FAAH: variants seen among roughly 807,000 people sequenced by gnomAD.
FAAH encodes fatty-acid amide hydrolase 1.
Under a neutral mutation model 69.7 loss-of-function variants are expected in FAAH, and 63 were observed. The ratio of observed to expected loss-of-function variants is 0.90; its 90% CI spans 0.74 to 1.12. FAAH has a LOEUF of 1.12. Ranked by LOEUF, FAAH falls within the 50% of genes most tolerant of loss-of-function variation. FAAH has a pLI of 0.00. For missense variants in FAAH, 680 were observed against 755.0 expected (o/e 0.90, Z 1.16); for synonymous variants, 305 against 324.2 (o/e 0.94, Z 0.64).
intron 7 of FAAH, among the ~76,000 whole-genome samples, chr1:46,408,256 C>G (rs1426252297): frequency 1.3e-5 from 2 of 152,176 alleles, no homozygotes; most frequent in Non-Finnish European, 2.9e-5. Flanking sequence ...CCTCATATGA[C>G]CAGTAGGAAT....
In FAAH at chr1:46,411,270, C is replaced by T. The variant is rs1664908804; in HGVS notation, c.1317-342C>T. ...CTGGAAAAGCAGGGCGTAAACCTCC[C>T]TGTTTCATGCCCTGACGTCCCATGG... On this transcript the variant is annotated intron_variant, in intron 11 of 14. Transcript: ENST00000243167. This position sits in a 1 kb window ranked among gnomAD's most constrained non-coding sequence, Gnocchi z 4.8. Among the ~76,000 whole-genome samples, 1 of 152,210 alleles carries T rather than the reference C, an allele frequency of 6.6e-6. No homozygotes were observed.
At chr1:46,402,912 G>A (rs994504644) in intron 2 of FAAH, among the ~76,000 whole-genome samples, 1 of 151,922 alleles carries the variant, frequency 6.6e-6, no homozygotes, top group Admixed American at 6.6e-5. Flanking sequence ...AGGCTGGTCT[G>A]GAACTCCTGA....
Position 46,413,722 on chromosome 1 carries a change from C to T in FAAH, c.*147C>T, listed in dbSNP as rs1178505612. 20 of 1,169,742 alleles carry T rather than the reference C, an allele frequency of 1.7e-5. No homozygotes were observed. Among genetic ancestry groups the T allele is most frequent in the South Asian group, 4.0e-5 (3 of 75,590 alleles). The allele number at this position is 1,169,742 out of a possible 1,614,324, so 72.5% of individuals were successfully genotyped here. A position where few individuals can be genotyped will look rare whatever the true frequency, so the allele number is the denominator to read the frequency against. ...TCCCCCAACCCCCTGCAAGAAGCGC[C>T]GACTCCCTGAGTCTGGACCTCCATC... On this transcript the variant is annotated 3_prime_UTR_variant, in exon 15 of 15. Transcript: ENST00000243167.
intron 7 of FAAH, among the ~76,000 whole-genome samples, chr1:46,407,787 A>G (rs2148451007): frequency 6.6e-6 from 1 of 152,260 alleles, no homozygotes; most frequent in East Asian, 1.9e-4. Flanking sequence ...GTTAATGTAG[A>G]CAGTAAGCTG....
intron 1 of FAAH, among the ~76,000 whole-genome samples, chr1:46,396,865 C>T (rs918818418): frequency 1.3e-5 from 2 of 152,180 alleles, no homozygotes; most frequent in African/African-American, 4.8e-5. Context: ...TTTTGGCTGG[C>T]TGTAATGTAT....
chr1:46,408,672 C>T, intron 8 of FAAH, 88 bp downstream of exon 8: 1 of 1,594,254 alleles, frequency 6.3e-7, no homozygotes, highest in Non-Finnish European at 8.6e-7. Context: ...TCCCTGGCAT[C>T]CTGGCACTCT....
chr1:46,413,008 G>A, intron 13 of FAAH, 67 bp from the exon 14 acceptor site: 3 of 1,596,720 alleles, frequency 1.9e-6, no homozygotes, highest in East Asian at 2.2e-5. Flanking sequence ...TATGAGGTTT[G>A]ACTCAGGCCC....
intron 1 of FAAH, among the ~76,000 whole-genome samples, chr1:46,395,752 A>G (rs1664584816): frequency 6.6e-6 from 1 of 152,168 alleles, no homozygotes; most frequent in Admixed American, 6.5e-5. Flanking sequence ...CAGAGCTGGA[A>G]CTAGAACCTA....
chr1:46,407,026 A>G (rs324418), intron 7 of FAAH, among the ~76,000 whole-genome samples: 42,886 of 151,578 alleles, frequency 0.28, 6,495 homozygotes, highest in African/African-American at 0.38. Context: ...TCCTGTCCAC[A>G]TTTTGGGAGC....
rs78529632 is a variant in FAAH at position 46,412,138 on chromosome 1, C to T, written c.1357-5C>T. ...CTTTCACCTGGTGTGTTGTGTCCTC[C>T]GCAGGTGTACCGCAAAACCGTGATT... On this transcript the variant is annotated splice_polypyrimidine_tract_variant and splice_region_variant and intron_variant, in intron 12 of 14. Transcript: ENST00000243167. The T allele has an allele frequency of 0.097, 151,210 of 1,554,426 alleles. 8,173 individuals carry two copies. The highest frequency in any genetic ancestry group is 0.17 in the Middle Eastern group (1,019 of 5,996).
At chr1:46,398,041 C>T (rs1466483507) in intron 1 of FAAH, among the ~76,000 whole-genome samples, 1 of 149,466 alleles carries the variant, frequency 6.7e-6, no homozygotes, top group Non-Finnish European at 1.5e-5. Flanking sequence ...TCAAGCAATT[C>T]TCCTGCCTCA....
intron 1 of FAAH, among the ~76,000 whole-genome samples, chr1:46,398,120 A>G (rs968768157): frequency 6.6e-6 from 1 of 151,734 alleles, no homozygotes; most frequent in African/African-American, 2.4e-5. Context: ...TTTTTAGTAG[A>G]GATGGGATTT....
At chr1:46,408,667 G>A in intron 8 of FAAH, 83 bp downstream of exon 8, 1 of 1,598,396 alleles carries the variant, frequency 6.3e-7, no homozygotes. Flanking sequence ...CTCCATCCCT[G>A]GCATCCTGGC....
In FAAH at chr1:46,394,507, G is replaced by A; in HGVS notation, c.159G>A (p.Glu53=). ...GACAGAGGCAGCGAGCGGGCCTGGA[G>A]AACATGGACAGGGCGGCGCAGCGCT... The part of the protein sequence containing the change: ...RARQRQRAGL[E]NMDRAAQRFR... The change falls in exon 1 of 15, where the codon GAG becomes GAA. Residue 53 remains glutamate (E), a synonymous_variant. Transcript: ENST00000243167. 7.2e-7 allele frequency: 1 copy of A among 1,393,338 alleles called. No individual in the cohort carries two copies. Among genetic ancestry groups the A allele is most frequent in the Non-Finnish European group, 9.3e-7 (1 of 1,080,414 alleles). The allele number at this position is 1,393,338 out of a possible 1,614,324, so 86.3% of individuals were successfully genotyped here. A position where few individuals can be genotyped will look rare whatever the true frequency, so the allele number is the denominator to read the frequency against.
rs1389888851 is a variant in FAAH, at chr1:46,401,052, G to A, written c.196-1039G>A. ...GGTAGAGGGGAGGAGGGAAACCAGG[G>A]GAGGGGAGGAGGGGAAATTGGGGAG... is the stretch of plus-strand genomic sequence containing the variant. On this transcript the variant is annotated intron_variant, in intron 1 of 14. Coordinates refer to ENST00000243167, the MANE Select transcript of FAAH (RefSeq NM_001441.3). 6.5e-4 allele frequency among the ~76,000 whole-genome samples: 51 copies of A among 78,070 alleles called. 1 individual carries two copies. The highest frequency in any genetic ancestry group is 2.5e-3 in the African/African-American group (47 of 18,610). 51.2% of individuals were successfully genotyped at this position (78,070 alleles called of 152,430 possible). A position where few individuals can be genotyped will look rare whatever the true frequency, so the allele number is the denominator to read the frequency against.
chr1:46,409,268 T>C, intron 9 of FAAH, 70 bp downstream of exon 9: 1 of 1,228,288 alleles, frequency 8.1e-7, no homozygotes, highest in East Asian at 2.3e-5. Context: ...AGCAGCAGGG[T>C]GTGGTGATGC....
rs1398917740 is a variant in FAAH, at chr1:46,404,475, T to A, written c.310-539T>A. Among the ~76,000 whole-genome samples, 1 of 152,236 alleles carries A rather than the reference T, an allele frequency of 6.6e-6. No homozygotes were observed. Among genetic ancestry groups the A allele is most frequent in the Non-Finnish European group, 1.5e-5 (1 of 68,028 alleles). On this transcript the variant is annotated intron_variant, in intron 2 of 14. Transcript: ENST00000243167. This position sits in a 1 kb window ranked among gnomAD's most constrained non-coding sequence, Gnocchi z 4.5. The stretch of plus-strand genomic sequence containing the variant: ...GCTCCTACTCCACATGGCTTGATTA[T>A]CAAATTCAAGATTTCCTGGGTAAGG...
At chr1:46,395,653 A>C (rs937110445) in intron 1 of FAAH, among the ~76,000 whole-genome samples, 4 of 152,176 alleles carry the variant, frequency 2.6e-5, no homozygotes, top group Non-Finnish European at 5.9e-5. Context: ...GAACCGCAGG[A>C]CTCAGGAGGG....
chr1:46,411,572 T>C lies in FAAH; in HGVS notation c.1317-40T>C. 1 of 1,612,764 alleles carries C rather than the reference T, an allele frequency of 6.2e-7. No individual in the cohort carries two copies. The highest frequency in any genetic ancestry group is 1.1e-5 in the South Asian group (1 of 90,894). Reference sequence around the variant, plus strand: ...GTCTGATGTTGCTGATCTCCGTGGCTGTGACCATCATGGCTGGTGACCACA... The same window carrying C: ...GTCTGATGTTGCTGATCTCCGTGGCCGTGACCATCATGGCTGGTGACCACA... On this transcript the variant is annotated intron_variant, in intron 11 of 14. Transcript: ENST00000243167. The surrounding 1 kb of genome is among the most constrained non-coding windows in gnomAD (Gnocchi z 4.8).
Sources: allele counts gnomAD v4.1 joint callset (sites outside exome capture counted in the v4.1 genomes callset), GRCh38; gene constraint gnomAD v4.1.1; non-coding constraint Gnocchi (gnomAD v3.1); transcripts MANE v1.5; gene names NCBI Gene and HGNC (gene_info 2026-07-23, HGNC 2026-07-21).